SAMD12: variants seen among roughly 807,000 people sequenced by gnomAD.
SAMD12 encodes the protein sterile alpha motif domain-containing protein 12.
Under a neutral mutation model 15.0 loss-of-function variants are expected in SAMD12, and 9 were observed. The ratio of observed to expected loss-of-function variants is 0.60; its 90% confidence interval spans 0.36 to 1.05. SAMD12 has a LOEUF of 1.05. SAMD12 is among the 50% of genes least tolerant of loss of function. SAMD12 has a pLI of 0.01. For synonymous variants in SAMD12, 86 were observed against 90.1 expected (o/e 0.96, Z 0.25); for missense variants, 230 against 234.2 (o/e 0.98, Z 0.12).
At chr8:118,345,307 T>C (rs1465980447) in intron 4 of SAMD12, among the ~76,000 whole-genome samples, 6 of 152,214 alleles carry the variant, frequency 3.9e-5, no homozygotes, top group Admixed American at 3.9e-4. Flanking sequence ...TAGGTTACTG[T>C]AAGCACACAC....
intron 2 of SAMD12, among the ~76,000 whole-genome samples, chr8:118,548,793 C>G (rs57416344): frequency 0.071 from 10,746 of 152,278 alleles, 427 homozygotes; most frequent in Non-Finnish European, 0.083. Flanking sequence ...GGGTGACAGA[C>G]GGCACCTGGA....
chr8:118,161,371 C>T, the SAMD12 span, among the ~76,000 whole-genome samples: 1 of 151,894 alleles, frequency 6.6e-6, no homozygotes, highest in Admixed American at 6.5e-5. Context: ...ATCGCTTGAA[C>T]CCAGGACTTT....
At chr8:118,429,179 T>A (rs1249092428) in intron 3 of SAMD12, among the ~76,000 whole-genome samples, 1 of 152,248 alleles carries the variant, frequency 6.6e-6, no homozygotes, top group Non-Finnish European at 1.5e-5. Flanking sequence ...AGTAATCTTG[T>A]ATTTTGCGCA....
chr8:118,346,225 G>A (rs1222928631), intron 4 of SAMD12, among the ~76,000 whole-genome samples: 1 of 152,002 alleles, frequency 6.6e-6, no homozygotes, highest in African/African-American at 2.4e-5. Context: ...TCATACACAT[G>A]GTAATATAGA....
chr8:118,612,567 T>G (rs1202986222), intron 1 of SAMD12, among the ~76,000 whole-genome samples: 1 of 152,186 alleles, frequency 6.6e-6, no homozygotes, highest in African/African-American at 2.4e-5. Flanking sequence ...CTTGTCCTTG[T>G]GAGGTTGTCA....
At chr8:118,462,090 T>TA (rs1407163140) in intron 2 of SAMD12, among the ~76,000 whole-genome samples, 1 of 152,246 alleles carries the variant, frequency 6.6e-6, no homozygotes, top group Admixed American at 6.5e-5. Flanking sequence ...TAAATGATTC[T>TA]AATTTTACTA....
chr8:118,265,404 G>A (rs1182749609), intron 4 of SAMD12, among the ~76,000 whole-genome samples: 1 of 152,060 alleles, frequency 6.6e-6, no homozygotes, highest in Non-Finnish European at 1.5e-5. Flanking sequence ...AGTTGAGGAT[G>A]GAAATTCAGG....
chr8:118,257,068 T>A (rs886734466), intron 4 of SAMD12, among the ~76,000 whole-genome samples: 1 of 152,078 alleles, frequency 6.6e-6, no homozygotes, highest in Non-Finnish European at 1.5e-5. Flanking sequence ...ATTGTAGGCA[T>A]ACCAGACCCT....
intron 2 of SAMD12, among the ~76,000 whole-genome samples, chr8:118,559,188 C>A (rs1826638410): frequency 6.6e-6 from 1 of 152,160 alleles, no homozygotes; most frequent in Non-Finnish European, 1.5e-5. Flanking sequence ...TACATGAACT[C>A]AAGTTTTTCC....
At chr8:118,319,048 G>A (rs573301552) in intron 4 of SAMD12, among the ~76,000 whole-genome samples, 2 of 152,088 alleles carry the variant, frequency 1.3e-5, no homozygotes, top group African/African-American at 4.8e-5. Flanking sequence ...ATCCAGGGAG[G>A]CTCCTTAAAA....
At chr8:118,388,567 T>C in intron 3 of SAMD12, among the ~76,000 whole-genome samples, 1 of 152,152 alleles carries the variant, frequency 6.6e-6, no homozygotes, top group Non-Finnish European at 1.5e-5. Context: ...TCCCATAACG[T>C]AAGTAAGCTC....
intron 3 of SAMD12, among the ~76,000 whole-genome samples, chr8:118,417,224 G>A (rs539254777): frequency 1.3e-5 from 2 of 152,134 alleles, no homozygotes; most frequent in East Asian, 3.9e-4. Flanking sequence ...AGGACTACAG[G>A]TGTGCCCCCC....
intron 4 of SAMD12, among the ~76,000 whole-genome samples, chr8:118,355,892 G>A (rs945258853): frequency 5.3e-5 from 8 of 152,124 alleles, no homozygotes; most frequent in Admixed American, 2.0e-4. Context: ...GCATGTGTCT[G>A]AAGCAATTTA....
chr8:118,241,926 T>C (rs146200160), intron 4 of SAMD12, among the ~76,000 whole-genome samples: 1 of 152,304 alleles, frequency 6.6e-6, no homozygotes, highest in African/African-American at 2.4e-5. Flanking sequence ...TATTTATTTA[T>C]TTGGAGACTG....
chr8:118,616,618 G>C (rs1828245855), intron 1 of SAMD12, among the ~76,000 whole-genome samples: 1 of 152,190 alleles, frequency 6.6e-6, no homozygotes, highest in South Asian at 2.1e-4. Context: ...TCTGTGAAAA[G>C]GCACAAAGCA....
At chr8:118,574,019 CA>C (rs1827087505) in intron 2 of SAMD12, among the ~76,000 whole-genome samples, 1 of 152,082 alleles carries the variant, frequency 6.6e-6, no homozygotes, top group African/African-American at 2.4e-5. Context: ...AACATCAAAC[CA>C]AGTGATGTCA....
intron 2 of SAMD12, among the ~76,000 whole-genome samples, chr8:118,522,185 C>CACACACACACACAT (rs1260340397): frequency 7.5e-6 from 1 of 134,222 alleles, no homozygotes; most frequent in Non-Finnish European, 1.6e-5. Context: ...CACATACACA[C>CACACACACACACAT]ACACACACAC....
intron 4 of SAMD12, among the ~76,000 whole-genome samples, chr8:118,360,043 C>T (rs143378309): frequency 5.8e-4 from 88 of 152,230 alleles, no homozygotes; most frequent in African/African-American, 1.9e-3. Flanking sequence ...GGGTCAAAGC[C>T]ATTCTCCTAC....
chr8:118,143,527 C>T, the SAMD12 span, among the ~76,000 whole-genome samples: 3 of 152,246 alleles, frequency 2.0e-5, no homozygotes, highest in South Asian at 2.1e-4. Context: ...AGTGTAAAAG[C>T]ATGTTAGGGA....
Sources: allele counts gnomAD v4.1 joint callset (sites outside exome capture counted in the v4.1 genomes callset), GRCh38; gene constraint gnomAD v4.1.1; transcripts MANE v1.5; gene names NCBI Gene and HGNC (gene_info 2026-07-23, HGNC 2026-07-21).